Variants in APBB2 observed in about 807,000 individuals in gnomAD.
The protein encoded by APBB2 is Fe65-like 1.
Under a neutral mutation model 82.5 loss-of-function variants are expected in APBB2, and 38 were observed. That is an observed-to-expected ratio of 0.46 (90% CI 0.36 to 0.60). APBB2 has a LOEUF of 0.60. Among genes scored for constraint, APBB2 ranks in the 20% least tolerant of loss-of-function variants. The probability of loss-of-function intolerance (pLI) is 0.00; values close to 1 mark genes in which losing one functional copy is unlikely to be tolerated. For synonymous variants in APBB2, 341 were observed against 368.2 expected, an observed-to-expected ratio of 0.93 and a Z score of 0.85; for missense variants, 772 against 972.3, an observed-to-expected ratio of 0.79 and a Z score of 2.74.
chr4:40,828,862 T>C (rs545348743), intron 13 of APBB2, among the ~76,000 whole-genome samples: 1 of 152,168 alleles, frequency 6.6e-6, no homozygotes, highest in Non-Finnish European at 1.5e-5. Context: ...ATTCTGAGGC[T>C]GGGGACAGCT....
chr4:40,978,025 T>C (rs892369559), intron 6 of APBB2, among the ~76,000 whole-genome samples: 1 of 152,252 alleles, frequency 6.6e-6, no homozygotes, highest in Admixed American at 6.5e-5. Context: ...AGAAATGTTC[T>C]CTTTTGTACC....
chr4:40,885,431 T>C (rs749479981), intron 12 of APBB2, among the ~76,000 whole-genome samples: 6 of 152,102 alleles, frequency 3.9e-5, no homozygotes, highest in African/African-American at 1.2e-4. Flanking sequence ...CAGTGAGGAA[T>C]TGGGGGAGGG....
intron 6 of APBB2, among the ~76,000 whole-genome samples, chr4:40,964,753 A>AACACACACACACACACAC (rs61087697): frequency 0.065 from 9,058 of 139,518 alleles, 415 homozygotes; most frequent in Middle Eastern, 0.14. Flanking sequence ...CCATTGAATA[A>AACACACACACACACACAC]ACACACACAC....
chr4:40,938,053 G>A (rs188441781), intron 7 of APBB2, among the ~76,000 whole-genome samples: 4 of 152,218 alleles, frequency 2.6e-5, no homozygotes, highest in Non-Finnish European at 5.9e-5. Context: ...ATATGCCTCA[G>A]GTAAGACAAA....
At chr4:41,034,482 G>A (rs991004149) in intron 4 of APBB2, among the ~76,000 whole-genome samples, 2 of 152,046 alleles carry the variant, frequency 1.3e-5, no homozygotes, top group Non-Finnish European at 1.5e-5. Flanking sequence ...GCATCACCAC[G>A]CCCAACTAAT....
chr4:40,973,868 T>C (rs553013616), intron 6 of APBB2, among the ~76,000 whole-genome samples: 21 of 143,320 alleles, frequency 1.5e-4, no homozygotes, highest in African/African-American at 5.0e-4. Context: ...TTTTTTTTTT[T>C]CCAGACAGAG....
intron 17 of APBB2, among the ~76,000 whole-genome samples, chr4:40,817,907 A>G (rs903093249): frequency 5.9e-5 from 9 of 152,168 alleles, no homozygotes; most frequent in Non-Finnish European, 1.3e-4. Context: ...AACCACACAC[A>G]TCGAAAGCAC....
chr4:40,997,511 T>G (rs1483371454), intron 6 of APBB2, among the ~76,000 whole-genome samples: 1 of 152,202 alleles, frequency 6.6e-6, no homozygotes, highest in Non-Finnish European at 1.5e-5. Context: ...TACCTACCTA[T>G]TTGACTTTCT....
intron 12 of APBB2, among the ~76,000 whole-genome samples, chr4:40,839,111 T>A (rs1183511779): frequency 2.0e-5 from 3 of 152,112 alleles, no homozygotes; most frequent in African/African-American, 7.2e-5. Context: ...AGGGTCTCAC[T>A]CTGTCGGCCA....
At chr4:41,213,632 C>T (rs1580887168) in intron 1 of APBB2, among the ~76,000 whole-genome samples, 1 of 152,254 alleles carries the variant, frequency 6.6e-6, no homozygotes, top group South Asian at 2.1e-4. Flanking sequence ...CAGCATCCTT[C>T]CCTCCGTCCA....
intron 6 of APBB2, among the ~76,000 whole-genome samples, chr4:40,999,266 C>T (rs957978921): frequency 6.6e-6 from 1 of 151,938 alleles, no homozygotes; most frequent in Non-Finnish European, 1.5e-5. Flanking sequence ...TATAGGGAGA[C>T]CCTGTCTCTA....
At chr4:40,822,199 A>C in intron 16 of APBB2, 149 bp from the exon 17 acceptor site, 1 of 847,466 alleles carries the variant, frequency 1.2e-6, no homozygotes, top group South Asian at 1.7e-5. Context: ...CCTTGCCCAA[A>C]TGTCTGAAGA....
intron 10 of APBB2, among the ~76,000 whole-genome samples, chr4:40,897,810 C>T (rs1774121040): frequency 6.6e-6 from 1 of 152,136 alleles, no homozygotes; most frequent in Non-Finnish European, 1.5e-5. Flanking sequence ...GGTTCATAAC[C>T]ACCACCACTT....
chr4:41,194,893 T>C, intron 1 of APBB2, among the ~76,000 whole-genome samples: 1 of 152,168 alleles, frequency 6.6e-6, no homozygotes, highest in East Asian at 1.9e-4. Flanking sequence ...GGATCACTCA[T>C]AAGTTTTCAG....
chr4:40,978,045 GT>G (rs1560434716), intron 6 of APBB2, among the ~76,000 whole-genome samples: 2 of 152,186 alleles, frequency 1.3e-5, no homozygotes, highest in Non-Finnish European at 2.9e-5. Context: ...CTACAACAAG[GT>G]GCTCATATAG....
chr4:41,083,929 G>A (rs1431144323), intron 3 of APBB2, among the ~76,000 whole-genome samples: 4 of 151,924 alleles, frequency 2.6e-5, no homozygotes, highest in African/African-American at 9.7e-5. Flanking sequence ...AAAATGCTGT[G>A]AATCATAGCT....
chr4:40,994,332 A>G (rs544170978), intron 6 of APBB2, among the ~76,000 whole-genome samples: 25 of 152,116 alleles, frequency 1.6e-4, no homozygotes, highest in Non-Finnish European at 1.5e-5. Flanking sequence ...CAGACAGACT[A>G]CAGGCCAAAC....
At chr4:41,122,734 T>C (rs1753225655) in intron 2 of APBB2, among the ~76,000 whole-genome samples, 1 of 152,236 alleles carries the variant, frequency 6.6e-6, no homozygotes, top group Non-Finnish European at 1.5e-5. Context: ...ATATATCTTG[T>C]AATTTCAGTG....
intron 6 of APBB2, among the ~76,000 whole-genome samples, chr4:40,983,853 A>G (rs1286640060): frequency 6.6e-6 from 1 of 152,212 alleles, no homozygotes; most frequent in African/African-American, 2.4e-5. Context: ...CTGGGGATAC[A>G]GGCGTGAGCC....
Sources: gnomAD v4.1 joint callset for allele counts (sites outside exome capture counted in the v4.1 genomes callset) on GRCh38, gnomAD v4.1.1 for gene constraint, MANE v1.5 for transcripts, NCBI Gene and HGNC (gene_info 2026-07-23, HGNC 2026-07-21) for gene names.